ERAP1: variants seen among roughly 807,000 people sequenced by gnomAD.
ERAP1 encodes the protein adipocyte-derived leucine aminopeptidase.
In ERAP1, 86 loss-of-function variants were observed where a neutral mutation model predicts 103.7. The ratio of observed to expected loss-of-function variants is 0.83; its 90% confidence interval spans 0.70 to 0.99. The LOEUF is 0.99. Among genes scored for constraint, ERAP1 ranks in the 50% least tolerant of loss-of-function variants. The pLI is 0.00. For synonymous variants in ERAP1, 398 were observed against 402.4 expected, an observed-to-expected ratio of 0.99 and a Z score of 0.13; for missense variants, 1,009 against 1,128.4, an observed-to-expected ratio of 0.89 and a Z score of 1.52.
At chr5:96,776,846 T>TTC in intron 18 of ERAP1, 1 of 377,314 alleles carries the variant, frequency 2.7e-6, no homozygotes, top group South Asian at 3.0e-5. Context: ...ATTTAATGTG[T>TTC]TATTCTGTTC....
At chr5:96,866,133 A>G in the ERAP1 span, among the ~76,000 whole-genome samples, 8 of 152,328 alleles carry the variant, frequency 5.3e-5, no homozygotes, top group East Asian at 1.5e-3. Flanking sequence ...AAAGCCTAGT[A>G]GTGTTATCTA....
the ERAP1 span, among the ~76,000 whole-genome samples, chr5:96,906,032 C>T: frequency 6.0e-5 from 9 of 149,508 alleles, no homozygotes; most frequent in African/African-American, 9.9e-5. Context: ...TGCTCAGCCT[C>T]GCAAATTGCT....
chr5:96,879,361 G>C, the ERAP1 span, among the ~76,000 whole-genome samples: 192 of 152,302 alleles, frequency 1.3e-3, 1 homozygote, highest in Non-Finnish European at 1.6e-3. Context: ...TTTAAGGTAG[G>C]GTTTTTTGGG....
Position 96,774,585 on chromosome 5 carries a change from A to AGAT in ERAP1, c.*1808_*1810dup, listed in dbSNP as rs1211020057. 3 of 985,456 alleles carry AGAT rather than the reference A, an allele frequency of 3.0e-6. No homozygotes were observed. The highest frequency in any genetic ancestry group is 3.6e-6 in the Non-Finnish European group (3 of 829,828). 61.0% of individuals were successfully genotyped at this position (985,456 alleles called of 1,614,324 possible). On this transcript the variant is annotated 3_prime_UTR_variant, in exon 19 of 19. Transcript: ENST00000443439. The stretch of plus-strand genomic sequence containing the variant: ...AATGGGCTTTTCCAAAAGCAAACAA[A>AGAT]GATAGGTTCCTCAGGTGACCAAAAC...
the ERAP1 span, among the ~76,000 whole-genome samples, chr5:96,847,498 C>T: frequency 4.9e-3 from 744 of 152,254 alleles, 4 homozygotes; most frequent in African/African-American, 0.016. Context: ...ATACAGAACA[C>T]TCCATCCAAC....
chr5:96,832,320 C>T, the ERAP1 span, among the ~76,000 whole-genome samples: 1 of 152,208 alleles, frequency 6.6e-6, no homozygotes, highest in Admixed American at 6.5e-5. Context: ...CCAAACCTGA[C>T]TTGCCAGTTG....
chr5:96,782,758 A>G (rs1467114159), intron 15 of ERAP1, among the ~76,000 whole-genome samples: 1 of 152,224 alleles, frequency 6.6e-6, no homozygotes, highest in Non-Finnish European at 1.5e-5. Flanking sequence ...GTGTTTCTCT[A>G]TGGCATGGCT....
At position 96,783,133 on chromosome 5, in the gene ERAP1, C is replaced by T. The variant is rs765961121; in HGVS notation, c.2203G>A (p.Ala735Thr). 11 of 1,614,152 alleles carry T rather than the reference C, an allele frequency of 6.8e-6. No homozygotes were observed. Among genetic ancestry groups the T allele is most frequent in the South Asian group, 4.4e-5 (4 of 91,084 alleles). The change falls in exon 15 of 19, where the codon GCC becomes ACC. Residue 735 changes from alanine (A) to threonine (T), a missense_variant. This residue lies in a region of ERAP1 where 611 missense variants were observed against 651.7 expected (regional missense o/e 0.94). Transcript: ENST00000443439. ...CACGGCTGATAGTTGTGCACACAGG[C>T]GAGGAGTAGTAGTTGACTCCGCAGC... ...RMLRSQLLLLACVHNYQPCVQ... is the reference protein window; with the variant it reads ...RMLRSQLLLLTCVHNYQPCVQ...
intron 3 of ERAP1, among the ~76,000 whole-genome samples, chr5:96,798,606 G>A (rs1309306423): frequency 6.6e-6 from 1 of 150,926 alleles, no homozygotes; most frequent in Non-Finnish European, 1.5e-5. Flanking sequence ...TGAGAGATAG[G>A]GTCTTGCTAT....
At chr5:96,896,087 T>C in the ERAP1 span, among the ~76,000 whole-genome samples, 1 of 152,204 alleles carries the variant, frequency 6.6e-6, no homozygotes, top group African/African-American at 2.4e-5. Flanking sequence ...AAGTATTCAC[T>C]AAATGGAAAC....
At chr5:96,895,235 T>G in the ERAP1 span, 1 of 1,525,362 alleles carries the variant, frequency 6.6e-7, no homozygotes, top group Non-Finnish European at 9.0e-7. Flanking sequence ...TATTGAGTTT[T>G]TACCTCCTAG....
At chr5:96,859,533 C>A in the ERAP1 span, among the ~76,000 whole-genome samples, 1 of 152,032 alleles carries the variant, frequency 6.6e-6, no homozygotes, top group South Asian at 2.1e-4. Context: ...GCAATCTGAG[C>A]CTCAATGTCA....
At chr5:96,889,611 G>T in the ERAP1 span, 1 of 657,376 alleles carries the variant, frequency 1.5e-6, no homozygotes, top group Non-Finnish European at 2.7e-6. Context: ...GCCAGGTAGA[G>T]GGTCCAGGAA....
the ERAP1 span, among the ~76,000 whole-genome samples, chr5:96,908,490 G>A: frequency 6.6e-6 from 1 of 152,102 alleles, no homozygotes; most frequent in Non-Finnish European, 1.5e-5. Flanking sequence ...AAACATCAAA[G>A]AAAAACAAGA....
chr5:96,830,172 C>A, the ERAP1 span, among the ~76,000 whole-genome samples: 1 of 152,116 alleles, frequency 6.6e-6, no homozygotes, highest in African/African-American at 2.4e-5. Context: ...TAAGGATAAA[C>A]CTAGAAGGAA....
At chr5:96,767,055 G>A (rs1010561644) in intron 19 of ERAP1, among the ~76,000 whole-genome samples, 1 of 152,216 alleles carries the variant, frequency 6.6e-6, no homozygotes, top group African/African-American at 2.4e-5. Flanking sequence ...TGCCTTTGAA[G>A]CTGGGAAAAA....
Position 96,776,554 on chromosome 5 carries a change from T to G in ERAP1, c.2671-3A>C. 6.2e-7 allele frequency: 1 copy of G among 1,613,260 alleles called. No homozygotes were observed. Among genetic ancestry groups the G allele is most frequent in the African/African-American group, 1.3e-5 (1 of 75,054 alleles). ...AAAGAGCTGAAGAATCCTTTTACCT[T>G]GTGAGGAAAAAGTGGGTTTTAAAAA... On this transcript the variant is annotated splice_polypyrimidine_tract_variant and splice_region_variant and intron_variant, in intron 18 of 18. Transcript: ENST00000443439.
At chr5:96,809,124 C>T (rs1286488072), upstream of ERAP1, among the ~76,000 whole-genome samples, 3 of 152,182 alleles carry the variant, frequency 2.0e-5, no homozygotes, top group African/African-American at 7.2e-5. Context: ...CTGGTGAGAC[C>T]GTAGCAGTGA....
the ERAP1 span, among the ~76,000 whole-genome samples, chr5:96,913,911 A>G: frequency 6.6e-6 from 1 of 152,210 alleles, no homozygotes; most frequent in African/African-American, 2.4e-5. Context: ...TGGAGGTGGC[A>G]CAGTGGAGAC....
Sources: allele counts gnomAD v4.1 joint callset (sites outside exome capture counted in the v4.1 genomes callset), GRCh38; gene constraint gnomAD v4.1.1; regional missense constraint gnomAD v4.1.1; transcripts MANE v1.5; gene names NCBI Gene and HGNC (gene_info 2026-07-23, HGNC 2026-07-21).